EXOC4: variants seen among roughly 807,000 people sequenced by gnomAD.
EXOC4 encodes exocyst complex component 4.
Under a neutral mutation model 107.2 loss-of-function variants are expected in EXOC4, and 71 were observed. That is an observed-to-expected ratio of 0.66 (90% confidence interval 0.55 to 0.81). EXOC4 has a LOEUF of 0.81. Ranked by LOEUF, EXOC4 falls within the 30% of genes least tolerant of loss-of-function variation. The probability of loss-of-function intolerance (pLI) is 0.00; values close to 1 mark genes in which losing one functional copy is unlikely to be tolerated. For synonymous variants in EXOC4, 456 were observed against 441.2 expected (o/e 1.03, Z -0.42); for missense variants, 1,108 against 1,189.6 (o/e 0.93, Z 1.01).
At chr7:133,945,843 T>C (rs11767663) in intron 14 of EXOC4, among the ~76,000 whole-genome samples, 41,617 of 152,106 alleles carry the variant, frequency 0.27, 6,287 homozygotes, top group Non-Finnish European at 0.34. Flanking sequence ...TAATAGTAAA[T>C]GAAAAATAAA....
intron 12 of EXOC4, 51 bp downstream of exon 12, chr7:133,895,786 G>C: frequency 7.6e-6 from 12 of 1,576,010 alleles, no homozygotes; most frequent in Non-Finnish European, 1.0e-5. Context: ...CCTGATGGTG[G>C]TTCCAATTGG....
At chr7:133,401,832 A>G (rs1403823631) in intron 7 of EXOC4, among the ~76,000 whole-genome samples, 3 of 151,984 alleles carry the variant, frequency 2.0e-5, no homozygotes, top group Non-Finnish European at 4.4e-5. Context: ...TCCTGAATGC[A>G]TTATTTTAAT....
At chr7:133,981,615 G>A (rs755668543) in intron 14 of EXOC4, among the ~76,000 whole-genome samples, 4 of 151,908 alleles carry the variant, frequency 2.6e-5, no homozygotes, top group Admixed American at 6.6e-5. Flanking sequence ...TGCTGGTAAG[G>A]TTGTGGAAAA....
At position 133,893,396 on chromosome 7, in the gene EXOC4, T is replaced by C. The variant is rs1261000936; in HGVS notation, c.1735-2203T>C. Among the ~76,000 whole-genome samples the C allele has an allele frequency of 7.4e-5, 6 of 81,498 alleles. 2 individuals are homozygous for C. Among genetic ancestry groups the C allele is most frequent in the African/African-American group, 1.5e-4 (1 of 6,526 alleles). The allele number at this position is 81,498 out of a possible 152,430, so 53.5% of individuals were successfully genotyped here. A position where few individuals can be genotyped will look rare whatever the true frequency, so the allele number is the denominator to read the frequency against. ...TCTTTATCGAACTTGCCAGTCTGTG[T>C]CTTTTAATTGGAGAATTTAGTCCAT... On this transcript the variant is annotated intron_variant, in intron 11 of 17. Coordinates refer to ENST00000253861, the MANE Select transcript of EXOC4 (RefSeq NM_021807.4).
chr7:133,553,739 A>G lies in EXOC4; in HGVS notation c.1417+73601A>G, dbSNP rs952301914. On this transcript the variant is annotated intron_variant, in intron 9 of 17. Transcript: ENST00000253861. ...ATGGGGATGGCAGCCGGGGAGAGAA[A>G]GTATTACCGAATTTGATTTTCTGTT... 2.6e-5 allele frequency among the ~76,000 whole-genome samples: 4 copies of G among 152,182 alleles called. 1 individual carries two copies. The Middle Eastern group carries it at 9.5e-3, about 361-fold the overall frequency.
intron 7 of EXOC4, among the ~76,000 whole-genome samples, chr7:133,376,526 A>T (rs1227251342): frequency 1.3e-5 from 2 of 152,050 alleles, no homozygotes; most frequent in Non-Finnish European, 2.9e-5. Flanking sequence ...GTCAGCTGAG[A>T]AAAAAGAACA....
At chr7:133,626,682 G>A (rs1802464798) in intron 9 of EXOC4, among the ~76,000 whole-genome samples, 2 of 152,156 alleles carry the variant, frequency 1.3e-5, no homozygotes, top group African/African-American at 4.8e-5. Flanking sequence ...ACTAATGAAA[G>A]TATTATTTAG....
chr7:133,704,022 C>G (rs1017544862), intron 10 of EXOC4, among the ~76,000 whole-genome samples: 5 of 152,202 alleles, frequency 3.3e-5, no homozygotes, highest in African/African-American at 1.2e-4. Flanking sequence ...CTTGATAGAG[C>G]TTTGCTTGTT....
chr7:133,681,436 T>C (rs1350029468), intron 10 of EXOC4, among the ~76,000 whole-genome samples: 1 of 152,170 alleles, frequency 6.6e-6, no homozygotes, highest in Non-Finnish European at 1.5e-5. Flanking sequence ...AGGTCTGTAG[T>C]TGTGACAAAA....
chr7:133,978,199 T>TATA (rs1793888835), intron 14 of EXOC4, among the ~76,000 whole-genome samples: 1 of 152,082 alleles, frequency 6.6e-6, no homozygotes, highest in African/African-American at 2.4e-5. Flanking sequence ...TGGCTATAAA[T>TATA]ATAATCTACA....
chr7:133,445,617 T>TACAAACAAACAA (rs10638999), intron 7 of EXOC4, among the ~76,000 whole-genome samples: 2,207 of 150,564 alleles, frequency 0.015, 23 homozygotes, highest in African/African-American at 0.025. Flanking sequence ...GGACAGTTAC[T>TACAAACAAACAA]ACAAACAAAC....
intron 10 of EXOC4, among the ~76,000 whole-genome samples, chr7:133,792,803 A>C (rs1236047098): frequency 1.3e-5 from 2 of 152,268 alleles, no homozygotes; most frequent in Non-Finnish European, 2.9e-5. Flanking sequence ...TAATGTTCTG[A>C]AAAAGTGTAT....
In EXOC4 at chr7:133,253,286, C is replaced by T. The variant is rs1794934633; in HGVS notation, c.86+99C>T. 2.4e-6 allele frequency: 3 copies of T among 1,252,882 alleles called. No individual in the cohort carries two copies. In the East Asian group the frequency reaches 7.6e-5, roughly 32 times the overall value. The allele number at this position is 1,252,882 out of a possible 1,614,324, so 77.6% of individuals were successfully genotyped here. Reference sequence around the variant, plus strand: ...TAGCTGGGTCCCACCCTGCTCTCCCCTTTCCTCCTTGCCTCCCGCAGCCCC... The same window carrying T: ...TAGCTGGGTCCCACCCTGCTCTCCCTTTTCCTCCTTGCCTCCCGCAGCCCC... On this transcript the variant is annotated intron_variant, in intron 1 of 17. Transcript: ENST00000253861.
chr7:133,697,831 C>T (rs956465301), intron 10 of EXOC4, among the ~76,000 whole-genome samples: 6 of 152,156 alleles, frequency 3.9e-5, no homozygotes, highest in Non-Finnish European at 8.8e-5. Context: ...AAGTTATCCA[C>T]GGTGGTCAGA....
At chr7:133,995,023 T>C (rs991707646) in intron 14 of EXOC4, among the ~76,000 whole-genome samples, 4 of 152,182 alleles carry the variant, frequency 2.6e-5, no homozygotes, top group Middle Eastern at 3.2e-3. Flanking sequence ...CTGGGCATAA[T>C]TTTTCATGTT....
At chr7:133,470,766 G>A (rs1798855175) in intron 7 of EXOC4, among the ~76,000 whole-genome samples, 1 of 152,214 alleles carries the variant, frequency 6.6e-6, no homozygotes, top group African/African-American at 2.4e-5. Context: ...CAACAAGAAT[G>A]TGGGATCCTG....
At chr7:133,421,426 C>T (rs981531608) in intron 7 of EXOC4, among the ~76,000 whole-genome samples, 4 of 152,114 alleles carry the variant, frequency 2.6e-5, no homozygotes, top group Admixed American at 6.5e-5. Context: ...GCTGACCTAA[C>T]GTAAAGAGAT....
chr7:133,765,381 G>A (rs56922033), intron 10 of EXOC4, among the ~76,000 whole-genome samples: 14,836 of 151,958 alleles, frequency 0.098, 789 homozygotes, highest in African/African-American at 0.13. Flanking sequence ...TGAATGCAGA[G>A]TAGATCATAT....
intron 6 of EXOC4, among the ~76,000 whole-genome samples, chr7:133,365,742 A>G (rs1796236556): frequency 6.6e-6 from 1 of 152,220 alleles, no homozygotes; most frequent in Admixed American, 6.5e-5. Context: ...AATGGGCTCC[A>G]TGTCCTATTT....
Sources: gnomAD v4.1 joint callset for allele counts (sites outside exome capture counted in the v4.1 genomes callset) on GRCh38, gnomAD v4.1.1 for gene constraint, MANE v1.5 for transcripts, NCBI Gene and HGNC (gene_info 2026-07-23, HGNC 2026-07-21) for gene names.